BAZ2B: variants seen among roughly 807,000 people sequenced by gnomAD.
The protein encoded by BAZ2B is bromodomain adjacent to zinc finger domain protein 2B.
A neutral mutation model predicts 246.0 loss-of-function variants in BAZ2B; 91 were observed. The observed-to-expected ratio is 0.37, with a 90% CI of 0.31 to 0.44. The LOEUF (loss-of-function observed/expected upper bound fraction) is 0.44, where lower values mean the gene tolerates loss of function less well. BAZ2B is among the 20% of genes least tolerant of loss of function. The probability of loss-of-function intolerance (pLI) is 1.00; values close to 1 mark genes in which losing one functional copy is unlikely to be tolerated. For synonymous variants in BAZ2B, 855 were observed against 860.0 expected (o/e 0.99, Z 0.10); for missense variants, 2,332 against 2,533.7 (o/e 0.92, Z 1.71).
At chr2:159,496,060 C>T (rs938408497) in intron 2 of BAZ2B, among the ~76,000 whole-genome samples, 7 of 150,660 alleles carry the variant, frequency 4.6e-5, no homozygotes, top group African/African-American at 1.5e-4. Flanking sequence ...TGAGCCACCG[C>T]GCCCAGCCAG....
upstream of BAZ2B, among the ~76,000 whole-genome samples, chr2:159,620,532 TC>T (rs1159839077): frequency 9.8e-5 from 15 of 152,304 alleles, no homozygotes; most frequent in Non-Finnish European, 1.6e-4. Context: ...CAACTAATTC[TC>T]ACTGAGAGAC....
chr2:159,409,176 G>T (rs1406280745), intron 14 of BAZ2B, among the ~76,000 whole-genome samples: 1 of 152,094 alleles, frequency 6.6e-6, no homozygotes, highest in Non-Finnish European at 1.5e-5. Flanking sequence ...TAGAATTAGA[G>T]ATATTTTGGA....
Position 159,373,167 on chromosome 2 carries a change from T to G in BAZ2B, c.4091A>C (p.Lys1364Thr). ...CAATGAGTGAGACGCATCAAAGAGC[T>G]TCCTTCTGTACTGACTCTGTTGCTG... is the stretch of plus-strand genomic sequence containing the variant. ...LSKQQSQYRR[K>T]LFDASHSLRS... The change falls in exon 27 of 37, where the codon AAG (lysine) becomes ACG (threonine). Residue 1364 changes from lysine (K) to threonine (T), a missense_variant. Coordinates refer to ENST00000392783, the MANE Select transcript of BAZ2B (RefSeq NM_013450.4). 1 of 1,613,910 alleles carries G rather than the reference T, an allele frequency of 6.2e-7. No individual in the cohort carries two copies. The highest frequency in any genetic ancestry group is 8.5e-7 in the Non-Finnish European group (1 of 1,179,868).
chr2:159,324,741 T>C, intron 36 of BAZ2B, 70 bp downstream of exon 36: 2 of 1,124,022 alleles, frequency 1.8e-6, no homozygotes, highest in Admixed American at 3.7e-5. Context: ...TATCTTTGGC[T>C]CACTAAAAAT....
At chr2:159,326,813 C>T (rs1558954401) in intron 34 of BAZ2B, among the ~76,000 whole-genome samples, 4 of 151,958 alleles carry the variant, frequency 2.6e-5, no homozygotes, top group Middle Eastern at 3.2e-3. Flanking sequence ...GGTGCCCCAC[C>T]CTGTATTCAT....
At chr2:159,437,853 G>A (rs2072676545) in intron 8 of BAZ2B, 1 of 156,496 alleles carries the variant, frequency 6.4e-6, no homozygotes, top group Non-Finnish European at 1.4e-5. Flanking sequence ...GGAGGTGGAG[G>A]TTGCAGTGAG....
At chr2:159,444,103 G>C (rs540919167) in intron 6 of BAZ2B, 1 of 152,260 alleles carries the variant, frequency 6.6e-6, no homozygotes, top group East Asian at 1.9e-4. Context: ...GATGGTTTCA[G>C]TCAGTGTCTG....
chr2:159,565,771 C>G (rs1335090412), intron 1 of BAZ2B, among the ~76,000 whole-genome samples: 1 of 117,464 alleles, frequency 8.5e-6, no homozygotes. Flanking sequence ...AGTGAGACTC[C>G]CATCTCAAAA....
chr2:159,657,781 A>T, the BAZ2B span, among the ~76,000 whole-genome samples: 3 of 152,224 alleles, frequency 2.0e-5, no homozygotes, highest in African/African-American at 7.2e-5. Flanking sequence ...AATATAAGAA[A>T]GCAACTGGAT....
intron 27 of BAZ2B, among the ~76,000 whole-genome samples, chr2:159,357,165 T>C (rs892901917): frequency 6.6e-6 from 1 of 151,848 alleles, no homozygotes; most frequent in Non-Finnish European, 1.5e-5. Flanking sequence ...AGGTGGGTAA[T>C]AACAAACTCC....
At chr2:159,471,893 T>C (rs1333426312) in intron 3 of BAZ2B, among the ~76,000 whole-genome samples, 2 of 152,158 alleles carry the variant, frequency 1.3e-5, no homozygotes, top group Non-Finnish European at 2.9e-5. Flanking sequence ...TAAATATACA[T>C]AAGCTACTAG....
intron 27 of BAZ2B, among the ~76,000 whole-genome samples, chr2:159,354,684 T>C (rs925181208): frequency 2.6e-5 from 4 of 152,188 alleles, no homozygotes; most frequent in Admixed American, 6.5e-5. Context: ...AAAATATATA[T>C]GGGATATTTA....
intron 1 of BAZ2B, among the ~76,000 whole-genome samples, chr2:159,603,182 G>A (rs1692585159): frequency 6.6e-6 from 1 of 152,160 alleles, no homozygotes; most frequent in Admixed American, 6.6e-5. Context: ...CCTAAGATTG[G>A]ATAAATTATG....
chr2:159,359,023 C>A (rs779006004), intron 27 of BAZ2B, among the ~76,000 whole-genome samples: 10 of 152,154 alleles, frequency 6.6e-5, no homozygotes, highest in Non-Finnish European at 1.5e-4. Flanking sequence ...CTAAAATCGA[C>A]ACCCTAACAT....
the BAZ2B span, among the ~76,000 whole-genome samples, chr2:159,690,814 A>G: frequency 6.6e-6 from 1 of 152,208 alleles, no homozygotes; most frequent in Admixed American, 6.5e-5. Context: ...CAGATATACT[A>G]TCATATCATC....
chr2:159,709,306 T>C, the BAZ2B span, among the ~76,000 whole-genome samples: 1 of 148,040 alleles, frequency 6.8e-6, no homozygotes, highest in Non-Finnish European at 1.5e-5. Context: ...AGTATGTGTG[T>C]GGTGGGGGTG....
chr2:159,494,736 A>G (rs1352980761), intron 2 of BAZ2B, among the ~76,000 whole-genome samples: 1 of 152,232 alleles, frequency 6.6e-6, no homozygotes, highest in Non-Finnish European at 1.5e-5. Context: ...TTTCACCCAG[A>G]TGCTCTAAGT....
At chr2:159,689,162 G>C in the BAZ2B span, 1 of 408,248 alleles carries the variant, frequency 2.4e-6, no homozygotes, top group Non-Finnish European at 4.5e-6. Context: ...AAAAGCGCAC[G>C]TATTTTTCTC....
chr2:159,400,559 G>A (rs751018101), intron 17 of BAZ2B, 40 bp downstream of exon 17: 1 of 1,245,458 alleles, frequency 8.0e-7, no homozygotes, highest in East Asian at 2.5e-5. Context: ...AAAAATATAT[G>A]GCTAAATTAC....
Sources: gnomAD v4.1 joint callset for allele counts (sites outside exome capture counted in the v4.1 genomes callset) on GRCh38, gnomAD v4.1.1 for gene constraint, MANE v1.5 for transcripts, NCBI Gene and HGNC (gene_info 2026-07-23, HGNC 2026-07-21) for gene names.